ADAM23: variants seen among roughly 807,000 people sequenced by gnomAD.
ADAM23 encodes ADAM metallopeptidase domain 23.
ADAM23 carries 33 observed loss-of-function variants against 120.1 expected under a neutral mutation model. The observed-to-expected ratio is 0.27, with a 90% CI of 0.21 to 0.37. ADAM23 has a LOEUF of 0.37. Among genes scored for constraint, ADAM23 ranks in the 10% least tolerant of loss-of-function variants. ADAM23 has a pLI of 1.00. For missense variants in ADAM23, 862 were observed against 1,058.2 expected, an observed-to-expected ratio of 0.81 and a Z score of 2.57; for synonymous variants, 367 against 375.2, an observed-to-expected ratio of 0.98 and a Z score of 0.25.
intron 17 of ADAM23, 37 bp downstream of exon 17, chr2:206,571,853 A>G: frequency 1.3e-6 from 2 of 1,564,868 alleles, no homozygotes; most frequent in South Asian, 2.2e-5. Flanking sequence ...CTTTTAATTG[A>G]CAGATTAGCC....
At chr2:206,459,835 C>T (rs1266886894) in intron 2 of ADAM23, among the ~76,000 whole-genome samples, 1 of 152,208 alleles carries the variant, frequency 6.6e-6, no homozygotes, top group African/African-American at 2.4e-5. Flanking sequence ...TCCTCTCAAG[C>T]ATCATGCCAA....
rs116076570 is a variant in ADAM23, at chr2:206,449,246, A to G, written c.432+3722A>G. Reference sequence around the variant, plus strand: ...TTTTTCTTATATCTCTTACTTTGTTATCAAGATCGATCGTTTTCACTTGTG... The same window carrying G: ...TTTTTCTTATATCTCTTACTTTGTTGTCAAGATCGATCGTTTTCACTTGTG... On this transcript the variant is annotated intron_variant, in intron 2 of 25. Coordinates refer to ENST00000264377, the MANE Select transcript of ADAM23 (RefSeq NM_003812.4). Among the ~76,000 whole-genome samples, 765 of 152,364 alleles carry G rather than the reference A, an allele frequency of 5.0e-3. 6 individuals are homozygous for G. The highest frequency in any genetic ancestry group is 7.1e-3 in the Non-Finnish European group (483 of 68,036).
Position 206,557,471 on chromosome 2 carries a change from A to C in ADAM23, c.978A>C (p.Ala326=), listed in dbSNP as rs1291583069. The change falls in exon 10 of 26, where the codon GCA becomes GCC. Residue 326 remains alanine (A), a synonymous_variant. Coordinates refer to ENST00000264377, the MANE Select transcript of ADAM23 (RefSeq NM_003812.4). ...CTCATGCACATACCAACAACTTTGC[A>C]AAGTCCGTGGTCAACCTTGTGGATT... ...RSSHAHTNNF[A]KSVVNLVDSI... 1 of 1,613,812 alleles carries C rather than the reference A, an allele frequency of 6.2e-7. No individual in the cohort carries two copies. Among genetic ancestry groups the C allele is most frequent in the Non-Finnish European group, 8.5e-7 (1 of 1,179,828 alleles).
intron 14 of ADAM23, among the ~76,000 whole-genome samples, chr2:206,566,028 A>G (rs769183372): frequency 3.8e-4 from 58 of 152,100 alleles, no homozygotes; most frequent in Non-Finnish European, 6.2e-4. Context: ...ACGGTTCCCT[A>G]TTACTCCATA....
chr2:206,609,340 T>G (rs1245695721), intron 24 of ADAM23, among the ~76,000 whole-genome samples: 1 of 152,202 alleles, frequency 6.6e-6, no homozygotes, highest in African/African-American at 2.4e-5. Flanking sequence ...ACTGTAAGGA[T>G]AGTGAAGAAG....
chr2:206,476,387 A>G (rs1695775920), intron 2 of ADAM23, among the ~76,000 whole-genome samples: 2 of 152,224 alleles, frequency 1.3e-5, no homozygotes, highest in South Asian at 4.2e-4. Flanking sequence ...GGTCACATTG[A>G]TATCAGGCTG....
intron 3 of ADAM23, among the ~76,000 whole-genome samples, chr2:206,486,340 CT>C (rs757421451): frequency 3.7e-3 from 517 of 140,608 alleles, no homozygotes; most frequent in Non-Finnish European, 3.8e-3. Context: ...CTTGTCTTTC[CT>C]TTTTTTTTTT....
rs1467536476 is a variant in ADAM23 at position 206,588,655 on chromosome 2, A to G, written c.1852+501A>G. On this transcript the variant is annotated intron_variant, in intron 20 of 25. Transcript: ENST00000264377. ...GGTACATGGCTGTGATTCTTAGTAC[A>G]TTCCGTAAAAGTTCACGTGCATATC... Among the ~76,000 whole-genome samples the G allele has an allele frequency of 2.0e-5, 3 of 152,306 alleles. No individual in the cohort carries two copies. In the East Asian group the frequency reaches 5.8e-4, roughly 29 times the overall value.
At chr2:206,459,952 ATCT>A (rs1261843794) in intron 2 of ADAM23, among the ~76,000 whole-genome samples, 2 of 152,168 alleles carry the variant, frequency 1.3e-5, no homozygotes, top group South Asian at 2.1e-4. Context: ...CCATTAGAGT[ATCT>A]TCTTCTCTTC....
At chr2:206,488,349 A>G (rs902935124) in intron 3 of ADAM23, among the ~76,000 whole-genome samples, 1 of 152,174 alleles carries the variant, frequency 6.6e-6, no homozygotes, top group African/African-American at 2.4e-5. Context: ...CATGATAGAA[A>G]GTGACTTGAG....
intron 20 of ADAM23, 133 bp from the exon 21 acceptor site, chr2:206,589,276 C>G (rs1370780784): frequency 2.1e-5 from 14 of 656,744 alleles, no homozygotes; most frequent in East Asian, 2.8e-5. Context: ...TGGAAACTTG[C>G]AAATGCTACA....
At chr2:206,541,732 C>T (rs1005266359) in intron 4 of ADAM23, among the ~76,000 whole-genome samples, 2 of 152,064 alleles carry the variant, frequency 1.3e-5, no homozygotes, top group Non-Finnish European at 2.9e-5. Context: ...AAGTGGAAGT[C>T]CTTATTCTAT....
rs575059122 is a variant in ADAM23, at chr2:206,621,124, C to A, written c.*3497C>A. ...AAATGTGTATTAAAACTTTCGTTAA[C>A]GTAGAATGTTGTAGCTTTATGCTTT... On this transcript the variant is annotated 3_prime_UTR_variant, in exon 26 of 26. Coordinates refer to ENST00000264377, the MANE Select transcript of ADAM23 (RefSeq NM_003812.4). 4 of 152,186 alleles carry A rather than the reference C, an allele frequency of 2.6e-5. No individual in the cohort carries two copies. The highest frequency in any genetic ancestry group is 6.5e-5 in the Admixed American group (1 of 15,280). 9.4% of individuals were successfully genotyped at this position (152,186 alleles called of 1,614,324 possible).
intron 17 of ADAM23, 65 bp downstream of exon 17, chr2:206,571,881 C>A: frequency 1.4e-6 from 2 of 1,402,916 alleles, no homozygotes; most frequent in Non-Finnish European, 2.0e-6. Flanking sequence ...TCAGTGTGTA[C>A]ACTGAGCATT....
chr2:206,572,222 A>G (rs887438990), intron 17 of ADAM23, among the ~76,000 whole-genome samples: 1 of 152,190 alleles, frequency 6.6e-6, no homozygotes, highest in African/African-American at 2.4e-5. Context: ...GCTAGTGCTC[A>G]TATTTTCCCA....
At chr2:206,495,477 C>T (rs1349185047) in intron 3 of ADAM23, among the ~76,000 whole-genome samples, 2 of 152,168 alleles carry the variant, frequency 1.3e-5, no homozygotes, top group African/African-American at 4.8e-5. Context: ...ACCAGGCCTG[C>T]CCTAAAAGAG....
At chr2:206,519,019 C>G (rs1193853969) in intron 3 of ADAM23, among the ~76,000 whole-genome samples, 2 of 152,110 alleles carry the variant, frequency 1.3e-5, no homozygotes, top group Non-Finnish European at 2.9e-5. Context: ...CATATTCACT[C>G]TTTTAGACTT....
intron 2 of ADAM23, among the ~76,000 whole-genome samples, chr2:206,460,626 C>A (rs1287099331): frequency 6.6e-6 from 1 of 152,030 alleles, no homozygotes; most frequent in Non-Finnish European, 1.5e-5. Flanking sequence ...TCTTTATGTA[C>A]TCTGGATATC....
intron 18 of ADAM23, among the ~76,000 whole-genome samples, chr2:206,573,671 T>C (rs543084697): frequency 1.3e-5 from 2 of 152,030 alleles, no homozygotes; most frequent in South Asian, 4.2e-4. Context: ...AAAAATAATA[T>C]GTTCACCAAG....
Sources: allele counts gnomAD v4.1 joint callset (sites outside exome capture counted in the v4.1 genomes callset), GRCh38; gene constraint gnomAD v4.1.1; transcripts MANE v1.5; gene names NCBI Gene and HGNC (gene_info 2026-07-23, HGNC 2026-07-21).